Variants in RNF216 observed in about 807,000 individuals in gnomAD.
The protein encoded by RNF216 is ring finger protein 216.
RNF216 carries 72 observed loss-of-function variants against 110.8 expected under a neutral mutation model. The ratio of observed to expected loss-of-function variants is 0.65; its 90% CI spans 0.54 to 0.79. RNF216 has a LOEUF of 0.79. RNF216 is among the 30% of genes least tolerant of loss of function. The pLI, the probability that RNF216 is intolerant of heterozygous loss-of-function variation, is 0.00. For missense variants in RNF216, 1,342 were observed against 1,141.2 expected (o/e 1.18, Z -2.54); for synonymous variants, 495 against 407.5 (o/e 1.21, Z -2.59).
chr7:5,671,794 A>C (rs1789929649), intron 13 of RNF216, among the ~76,000 whole-genome samples: 1 of 141,476 alleles, frequency 7.1e-6, no homozygotes, highest in African/African-American at 3.0e-5. Context: ...AAAGAGACCA[A>C]AACTCCGTCT....
intron 14 of RNF216, among the ~76,000 whole-genome samples, chr7:5,642,032 T>TAA (rs1201078083): frequency 5.3e-4 from 52 of 98,410 alleles, no homozygotes; most frequent in Middle Eastern, 5.2e-3. Flanking sequence ...GACTCTATCT[T>TAA]AAAAAAAAAA....
intron 13 of RNF216, among the ~76,000 whole-genome samples, chr7:5,655,354 T>C (rs934743123): frequency 2.0e-5 from 3 of 152,174 alleles, no homozygotes; most frequent in Non-Finnish European, 4.4e-5. Context: ...CTGTAGCACT[T>C]TGGGAGGCCG....
At chr7:5,642,739 A>G (rs1224750330) in intron 14 of RNF216, among the ~76,000 whole-genome samples, 3 of 152,114 alleles carry the variant, frequency 2.0e-5, no homozygotes, top group Admixed American at 2.0e-4. Flanking sequence ...TCAGCCTCCC[A>G]AAGTGCTGAG....
intron 13 of RNF216, among the ~76,000 whole-genome samples, chr7:5,655,025 A>G (rs1349274293): frequency 6.6e-6 from 1 of 152,220 alleles, no homozygotes; most frequent in Non-Finnish European, 1.5e-5. Flanking sequence ...AGCCCCTTCC[A>G]GGAGTAACAG....
chr7:5,697,163 T>C (rs1015772518), intron 13 of RNF216, among the ~76,000 whole-genome samples: 33 of 152,100 alleles, frequency 2.2e-4, no homozygotes, highest in Non-Finnish European at 4.6e-4. Flanking sequence ...TGTCATTCTC[T>C]GGGCCTGGAG....
At chr7:5,697,691 G>C (rs769829611) in intron 13 of RNF216, among the ~76,000 whole-genome samples, 1 of 152,214 alleles carries the variant, frequency 6.6e-6, no homozygotes, top group African/African-American at 2.4e-5. Flanking sequence ...AGGTGGGGAA[G>C]GGAAGAATCT....
intron 13 of RNF216, among the ~76,000 whole-genome samples, chr7:5,686,628 C>T (rs1424190835): frequency 6.6e-6 from 1 of 152,196 alleles, no homozygotes; most frequent in Admixed American, 6.5e-5. Flanking sequence ...TCAACTATTT[C>T]TTTAAATACA....
chr7:5,640,514 C>T (rs1003589923), intron 15 of RNF216, among the ~76,000 whole-genome samples: 1 of 152,150 alleles, frequency 6.6e-6, no homozygotes, highest in African/African-American at 2.4e-5. Context: ...CTTTCCGATC[C>T]CCAAACAGAC....
At chr7:5,772,825 T>C (rs1796568240) in intron 1 of RNF216, among the ~76,000 whole-genome samples, 1 of 150,470 alleles carries the variant, frequency 6.6e-6, no homozygotes, top group South Asian at 2.1e-4. Context: ...TCATCCAGGC[T>C]AGAGTGCAAT....
chr7:5,680,827 A>G lies in RNF216; in HGVS notation c.2062-28317T>C, dbSNP rs1790606813. The stretch of plus-strand genomic sequence containing the variant: ...GCCACCCACTGGCTGCTCATGCAAC[A>G]AAACCCAATTCCTCCTTTCTCTTTA... On this transcript the variant is annotated intron_variant, in intron 13 of 16. Transcript: ENST00000389902. This position sits in a 1 kb window ranked among gnomAD's most constrained non-coding sequence, Gnocchi z 4.3. Among the ~76,000 whole-genome samples, 1 of 152,112 alleles carries G rather than the reference A, an allele frequency of 6.6e-6. No individual in the cohort carries two copies. Among genetic ancestry groups the G allele is most frequent in the Non-Finnish European group, 1.5e-5 (1 of 68,022 alleles).
chr7:5,716,266 T>A (rs1156981125), intron 10 of RNF216, among the ~76,000 whole-genome samples: 3 of 151,936 alleles, frequency 2.0e-5, no homozygotes, highest in East Asian at 3.9e-4. Flanking sequence ...TCCCAGCACT[T>A]TGGGAGGTTG....
Position 5,620,574 on chromosome 7 carries a change from G to C in RNF216, c.*2286C>G, listed in dbSNP as rs1032356910. On this transcript the variant is annotated 3_prime_UTR_variant, in exon 17 of 17. Coordinates refer to ENST00000389902, the MANE Select transcript of RNF216 (RefSeq NM_207111.4). ...GGTCCCCCGTGCCTGGCTCGGGGAG[G>C]ATCCTCAGGAATCAGGGACCCTCCA... The C allele has an allele frequency of 1.3e-5, 2 of 152,304 alleles. No individual in the cohort carries two copies. The highest frequency in any genetic ancestry group is 4.8e-5 in the African/African-American group (2 of 41,446). The allele number at this position is 152,304 out of a possible 1,614,324, so 9.4% of individuals were successfully genotyped here.
intron 13 of RNF216, among the ~76,000 whole-genome samples, chr7:5,674,715 T>C (rs1033991831): frequency 2.0e-5 from 3 of 152,092 alleles, no homozygotes; most frequent in East Asian, 1.9e-4. Flanking sequence ...TCATTTATAG[T>C]TGTGCAAAGC....
chr7:5,759,054 A>G (rs1795790987), intron 2 of RNF216, among the ~76,000 whole-genome samples: 3 of 152,150 alleles, frequency 2.0e-5, no homozygotes, highest in Admixed American at 6.5e-5. Context: ...ATTTAGCACA[A>G]TCCGTTCTGG....
At chr7:5,636,711 C>T (rs1423470612) in intron 15 of RNF216, among the ~76,000 whole-genome samples, 1 of 152,158 alleles carries the variant, frequency 6.6e-6, no homozygotes, top group Non-Finnish European at 1.5e-5. Flanking sequence ...ACGGGACAAA[C>T]GGAACAGAAT....
At chr7:5,716,620 A>G (rs1793081634) in intron 10 of RNF216, 96 bp downstream of exon 10, 3 of 1,039,494 alleles carry the variant, frequency 2.9e-6, no homozygotes, top group Non-Finnish European at 4.3e-6. Context: ...GAGGTTATCC[A>G]AAAACAAATT....
At chr7:5,670,333 C>T (rs1789821196) in intron 13 of RNF216, among the ~76,000 whole-genome samples, 1 of 152,188 alleles carries the variant, frequency 6.6e-6, no homozygotes. Flanking sequence ...GACCACAGTG[C>T]TGCTGCCCGA....
At chr7:5,669,862 AG>A (rs2128594040) in intron 13 of RNF216, among the ~76,000 whole-genome samples, 1 of 152,176 alleles carries the variant, frequency 6.6e-6, no homozygotes, top group Non-Finnish European at 1.5e-5. Flanking sequence ...ACTGCACTCC[AG>A]CCTGGGCAAG....
rs369237265 is a variant in RNF216 at position 5,763,640 on chromosome 7, G to T, written c.-69-2502C>A. Reference sequence around the variant, plus strand: ...GGCTGGAGAGCAGCTACACGATCACGGCTCACTACAGCCTTGAACCCCTGG... The same window carrying T: ...GGCTGGAGAGCAGCTACACGATCACTGCTCACTACAGCCTTGAACCCCTGG... On this transcript the variant is annotated intron_variant, in intron 1 of 16. Coordinates refer to ENST00000389902, the MANE Select transcript of RNF216 (RefSeq NM_207111.4). Among the ~76,000 whole-genome samples the T allele has an allele frequency of 3.3e-5, 5 of 152,070 alleles. No individual in the cohort carries two copies. In the South Asian group the frequency reaches 8.3e-4, roughly 25 times the overall value.
Sources: allele counts gnomAD v4.1 joint callset (sites outside exome capture counted in the v4.1 genomes callset), GRCh38; gene constraint gnomAD v4.1.1; non-coding constraint Gnocchi (gnomAD v3.1); transcripts MANE v1.5; gene names NCBI Gene and HGNC (gene_info 2026-07-23, HGNC 2026-07-21).